Variants in SPATA13 observed in about 807,000 individuals in gnomAD.
The protein encoded by SPATA13 is spermatogenesis associated 13, also known as spermatogenesis-associated protein 13.
A neutral mutation model predicts 104.0 loss-of-function variants in SPATA13; 50 were observed. The observed-to-expected ratio is 0.48, with a 90% CI of 0.38 to 0.61. The LOEUF is 0.61. Ranked by LOEUF, SPATA13 falls within the 20% of genes least tolerant of loss-of-function variation. SPATA13 has a pLI of 0.00. For missense variants in SPATA13, 1,524 were observed against 1,690.6 expected, an observed-to-expected ratio of 0.90 and a Z score of 1.73; for synonymous variants, 606 against 667.5, an observed-to-expected ratio of 0.91 and a Z score of 1.42.
At chr13:24,154,933 G>T (rs1312038404) in intron 3 of SPATA13, among the ~76,000 whole-genome samples, 1 of 152,172 alleles carries the variant, frequency 6.6e-6, no homozygotes, top group Non-Finnish European at 1.5e-5. Flanking sequence ...TCTTGGCTCA[G>T]TGCAAACTCC....
intron 3 of SPATA13, among the ~76,000 whole-genome samples, chr13:24,037,429 A>G (rs1307041335): frequency 6.6e-6 from 1 of 152,066 alleles, no homozygotes; most frequent in Non-Finnish European, 1.5e-5. Context: ...TCTATTTGAG[A>G]TAGAGTCTCG....
At chr13:24,290,563 G>T in intron 8 of SPATA13, 89 bp from the exon 9 acceptor site, 1 of 945,212 alleles carries the variant, frequency 1.1e-6, no homozygotes, top group East Asian at 2.4e-5. Context: ...TTCTAGGAGT[G>T]TCCCTTAGAG....
chr13:24,297,281 C>G, intron 10 of SPATA13, 82 bp from the exon 11 acceptor site: 1 of 1,497,554 alleles, frequency 6.7e-7, no homozygotes, highest in Non-Finnish European at 8.9e-7. Context: ...CTCAACGATC[C>G]TCCCACCTTG....
rs541550421 is a variant in SPATA13 at position 24,207,811 on chromosome 13, A to G, written c.-111-15008A>G. The stretch of plus-strand genomic sequence containing the variant: ...CCTGAGCCATCAGGGAGGCAGTCGC[A>G]GTGGATTAGGAACACAGATGCTGTG... On this transcript the variant is annotated intron_variant, in intron 1 of 12. Transcript: ENST00000382108. 1.7e-3 allele frequency among the ~76,000 whole-genome samples: 265 copies of G among 152,352 alleles called. 1 individual carries two copies. The highest frequency in any genetic ancestry group is 4.5e-3 in the African/African-American group (187 of 41,584).
intron 1 of SPATA13, among the ~76,000 whole-genome samples, chr13:23,981,717 A>C (rs2137646914): frequency 6.6e-6 from 1 of 152,326 alleles, no homozygotes; most frequent in East Asian, 1.9e-4. Context: ...TGCGGTGATA[A>C]GCCTCATGTC....
At chr13:24,168,388 A>G (rs1419076580) in intron 1 of SPATA13, among the ~76,000 whole-genome samples, 1 of 152,174 alleles carries the variant, frequency 6.6e-6, no homozygotes, top group East Asian at 1.9e-4. Context: ...TGTGAAAAAG[A>G]TAGATTATGT....
chr13:24,137,990 G>T (rs940900673), intron 3 of SPATA13, among the ~76,000 whole-genome samples: 2 of 152,074 alleles, frequency 1.3e-5, no homozygotes, highest in Non-Finnish European at 2.9e-5. Context: ...CTGGTCAGTT[G>T]CCTGGAGATG....
At chr13:24,294,889 A>G (rs775390032) in intron 10 of SPATA13, 21 bp downstream of exon 10, 2 of 1,590,910 alleles carry the variant, frequency 1.3e-6, no homozygotes, top group Non-Finnish European at 8.6e-7. Flanking sequence ...AGCACCCCAC[A>G]TGATCCCATG....
intron 1 of SPATA13, among the ~76,000 whole-genome samples, chr13:24,164,804 A>G (rs1882654664): frequency 6.6e-6 from 1 of 152,122 alleles, no homozygotes; most frequent in Non-Finnish European, 1.5e-5. Context: ...CTTTCACAAC[A>G]TCGATAGCTC....
chr13:24,076,146 T>C (rs1879317654), intron 3 of SPATA13, among the ~76,000 whole-genome samples: 1 of 152,166 alleles, frequency 6.6e-6, no homozygotes. Flanking sequence ...ATGTGCATTC[T>C]TGACTGAGAA....
chr13:24,281,895 A>T (rs1440414487), intron 4 of SPATA13, among the ~76,000 whole-genome samples: 1 of 152,122 alleles, frequency 6.6e-6, no homozygotes, highest in African/African-American at 2.4e-5. Context: ...TCCGTGCATC[A>T]CCAGTGCATG....
At chr13:24,255,645 G>A (rs1471732085) in intron 4 of SPATA13, among the ~76,000 whole-genome samples, 1 of 152,222 alleles carries the variant, frequency 6.6e-6, no homozygotes, top group Non-Finnish European at 1.5e-5. Flanking sequence ...AGAGAGATTA[G>A]CAGTACATTA....
At chr13:24,289,210 A>G (rs1252660513) in intron 8 of SPATA13, 32 bp downstream of exon 8, 2 of 1,555,282 alleles carry the variant, frequency 1.3e-6, no homozygotes, top group Non-Finnish European at 1.7e-6. Flanking sequence ...TATTAATAAC[A>G]TCTGCTTACA....
At chr13:24,135,943 C>T (rs959448070) in intron 3 of SPATA13, among the ~76,000 whole-genome samples, 18 of 152,152 alleles carry the variant, frequency 1.2e-4, no homozygotes, top group Admixed American at 8.5e-4. Flanking sequence ...AAAAGGAGGG[C>T]TGGGATATTT....
rs2138612602 is a variant in SPATA13 at position 24,223,845 on chromosome 13, A to G, written c.916A>G (p.Lys306Glu). 1.3e-6 allele frequency: 2 copies of G among 1,551,768 alleles called. No individual in the cohort carries two copies. Among genetic ancestry groups the G allele is most frequent in the Admixed American group, 3.9e-5 (2 of 51,006 alleles). Residue 306 changes from lysine to glutamate, a missense_variant, in exon 2 of 13, where the codon AAA (lysine) becomes GAA (glutamate). Around this residue, in one of 2 missense-constraint regions of SPATA13, gnomAD observed 1,089 missense variants for 1,135.9 expected, o/e 0.96. Coordinates refer to ENST00000382108, the MANE Select transcript of SPATA13 (RefSeq NM_001166271.3). Reference sequence around the variant, plus strand: ...CCAAAAGCTTGGGTCAGGAAGGACCAAACGCTGGAGGAGCCCGATAAGGGC... The same window carrying G: ...CCAAAAGCTTGGGTCAGGAAGGACCGAACGCTGGAGGAGCCCGATAAGGGC... Reference protein sequence around the residue: ...DSQKLGSGRTKRWRSPIRAKD... With the variant: ...DSQKLGSGRTERWRSPIRAKD...
rs1041455171 is a variant in SPATA13, at chr13:24,205,669, C to T, written c.-111-17150C>T. On this transcript the variant is annotated intron_variant, in intron 1 of 12. Coordinates refer to ENST00000382108, the MANE Select transcript of SPATA13 (RefSeq NM_001166271.3). The surrounding 1 kb of genome is among the most constrained non-coding windows in gnomAD (Gnocchi z 4.1). The stretch of plus-strand genomic sequence containing the variant: ...GAAGAAAGCTGGAGGCATCACTTTA[C>T]CCAACTTCAAACTATACTACAGGGT... Among the ~76,000 whole-genome samples the T allele has an allele frequency of 2.6e-5, 4 of 152,128 alleles. No homozygotes were observed. Among genetic ancestry groups the T allele is most frequent in the Non-Finnish European group, 4.4e-5 (3 of 68,012 alleles).
intron 3 of SPATA13, among the ~76,000 whole-genome samples, chr13:24,135,922 T>C (rs1437210927): frequency 2.0e-5 from 3 of 152,046 alleles, no homozygotes; most frequent in Non-Finnish European, 4.4e-5. Context: ...AAATTCAGCA[T>C]AATGTGAAAG....
chr13:24,257,421 G>A (rs563423695), intron 4 of SPATA13, among the ~76,000 whole-genome samples: 2 of 152,142 alleles, frequency 1.3e-5, no homozygotes, highest in Non-Finnish European at 2.9e-5. Context: ...TAAGTACACC[G>A]TATTAGAGCA....
At chr13:24,204,951 G>C (rs143551990) in intron 1 of SPATA13, among the ~76,000 whole-genome samples, 22 of 152,142 alleles carry the variant, frequency 1.4e-4, no homozygotes, top group Non-Finnish European at 2.2e-4. Context: ...AAAATAATAA[G>C]AGCCATGTAT....
Sources: allele counts gnomAD v4.1 joint callset (sites outside exome capture counted in the v4.1 genomes callset), GRCh38; gene constraint gnomAD v4.1.1; regional missense constraint gnomAD v4.1.1; non-coding constraint Gnocchi (gnomAD v3.1); transcripts MANE v1.5; gene names NCBI Gene and HGNC (gene_info 2026-07-23, HGNC 2026-07-21).